The following SMYD3 variants were observed in gnomAD, a reference collection of about 807,000 sequenced individuals.
The protein encoded by SMYD3 is SET and MYND domain containing 3.
In SMYD3, 36 loss-of-function variants were observed where a neutral mutation model predicts 57.7. That is an observed-to-expected ratio of 0.62 (90% CI 0.48 to 0.82). SMYD3 has a LOEUF of 0.82. Ranked by LOEUF, SMYD3 falls within the 40% of genes least tolerant of loss-of-function variation. The pLI is 0.00. For synonymous variants in SMYD3, 211 were observed against 195.0 expected (o/e 1.08, Z -0.68); for missense variants, 515 against 538.8 (o/e 0.96, Z 0.44).
At chr1:245,805,219 G>C (rs979638009) in intron 10 of SMYD3, among the ~76,000 whole-genome samples, 1 of 151,828 alleles carries the variant, frequency 6.6e-6, no homozygotes, top group Admixed American at 6.6e-5. Context: ...ATGCAGAGAA[G>C]GGAAGAATCA....
chr1:246,013,620 A>G (rs192031271), intron 5 of SMYD3, among the ~76,000 whole-genome samples: 159 of 152,302 alleles, frequency 1.0e-3, no homozygotes, highest in African/African-American at 3.6e-3. Context: ...AATCTCGTCA[A>G]TGCAGCAGGG....
chr1:246,459,200 T>C (rs1313013368), intron 1 of SMYD3, among the ~76,000 whole-genome samples: 1 of 145,714 alleles, frequency 6.9e-6, no homozygotes, highest in Admixed American at 6.9e-5. Context: ...TCTCGCGAGA[T>C]CTTGTTATTT....
intron 10 of SMYD3, among the ~76,000 whole-genome samples, chr1:245,832,232 A>C (rs1211052532): frequency 6.6e-6 from 1 of 152,168 alleles, no homozygotes. Context: ...TTCTCAATAA[A>C]AGATGTCTGC....
chr1:246,230,861 A>C lies in SMYD3; in HGVS notation c.531+96340T>G, dbSNP rs138625393. 4.2e-4 allele frequency among the ~76,000 whole-genome samples: 64 copies of C among 152,352 alleles called. 1 individual carries two copies. In the East Asian group the frequency reaches 0.012, roughly 28 times the overall value. On this transcript the variant is annotated intron_variant, in intron 5 of 11. Coordinates refer to ENST00000490107, the MANE Select transcript of SMYD3 (RefSeq NM_001167740.2). ...TTTGATTTTAATTACTTAAGTAGTCAAATGTGGCTACTGGTTACCATATTT... is the reference window on the plus strand; with the variant it reads ...TTTGATTTTAATTACTTAAGTAGTCCAATGTGGCTACTGGTTACCATATTT...
chr1:246,209,492 T>C (rs1035521504), intron 5 of SMYD3, among the ~76,000 whole-genome samples: 1 of 151,892 alleles, frequency 6.6e-6, no homozygotes, highest in Non-Finnish European at 1.5e-5. Flanking sequence ...TAAGCAAAAA[T>C]CACTTAAGCT....
At chr1:246,487,482 A>G (rs1448497923) in intron 1 of SMYD3, among the ~76,000 whole-genome samples, 1 of 152,086 alleles carries the variant, frequency 6.6e-6, no homozygotes, top group Non-Finnish European at 1.5e-5. Flanking sequence ...GTTAAAATAC[A>G]AGGTGGTAAA....
intron 5 of SMYD3, among the ~76,000 whole-genome samples, chr1:246,282,548 CAA>C (rs34605656): frequency 6.8e-6 from 1 of 146,098 alleles, no homozygotes. Context: ...TTATTTGTTC[CAA>C]AAAAAAAAAG....
At chr1:245,858,421 G>T in intron 10 of SMYD3, 75 bp downstream of exon 10, 2 of 1,421,938 alleles carry the variant, frequency 1.4e-6, no homozygotes, top group South Asian at 2.9e-5. Context: ...TAATCAGAAT[G>T]ACTTCACAAC....
At chr1:245,764,313 T>C (rs1448472071) in intron 10 of SMYD3, among the ~76,000 whole-genome samples, 164 bp from the exon 11 acceptor site, 2 of 152,058 alleles carry the variant, frequency 1.3e-5, no homozygotes, top group African/African-American at 2.4e-5. Flanking sequence ...CTGAGGGGAA[T>C]TGACACAGGA....
At position 246,355,011 on chromosome 1, in the gene SMYD3, A is replaced by G; in HGVS notation, c.228+20T>C. 1 of 1,612,244 alleles carries G rather than the reference A, an allele frequency of 6.2e-7. No homozygotes were observed. The highest frequency in any genetic ancestry group is 8.5e-7 in the Non-Finnish European group (1 of 1,178,344). ...TAAAGAATTTGAAAGCTTCACTTATATATGGCTGAAAAGTCTTACCTGACA... is the reference window on the plus strand; with the variant it reads ...TAAAGAATTTGAAAGCTTCACTTATGTATGGCTGAAAAGTCTTACCTGACA... On this transcript the variant is annotated intron_variant, in intron 2 of 11. Coordinates refer to ENST00000490107, the MANE Select transcript of SMYD3 (RefSeq NM_001167740.2). The surrounding 1 kb of genome is among the most constrained non-coding windows in gnomAD (Gnocchi z 5.0).
chr1:246,430,125 G>C (rs894297603), intron 1 of SMYD3, among the ~76,000 whole-genome samples: 1 of 147,456 alleles, frequency 6.8e-6, no homozygotes. Context: ...TGACTGGCAA[G>C]TACTAAATAA....
intron 5 of SMYD3, among the ~76,000 whole-genome samples, chr1:246,184,866 T>A (rs1489352001): frequency 6.6e-6 from 1 of 152,126 alleles, no homozygotes; most frequent in Non-Finnish European, 1.5e-5. Context: ...AATTATAAAT[T>A]TCTGTTTTTT....
intron 11 of SMYD3, among the ~76,000 whole-genome samples, chr1:245,761,805 T>TG (rs1378794385): frequency 1.3e-5 from 2 of 150,200 alleles, no homozygotes; most frequent in Non-Finnish European, 3.0e-5. Flanking sequence ...TTTTTTTTTT[T>TG]GAGACAGTCT....
intron 5 of SMYD3, among the ~76,000 whole-genome samples, chr1:245,973,623 T>C: frequency 6.6e-6 from 1 of 152,234 alleles, no homozygotes; most frequent in East Asian, 1.9e-4. Flanking sequence ...AATCTTGCTT[T>C]ATTTTCTCAG....
chr1:246,359,824 G>C (rs1030392175), intron 1 of SMYD3, among the ~76,000 whole-genome samples: 3 of 152,118 alleles, frequency 2.0e-5, no homozygotes, highest in Non-Finnish European at 4.4e-5. Context: ...GGTAATGAAA[G>C]CTATCTAAGA....
intron 2 of SMYD3, among the ~76,000 whole-genome samples, chr1:246,348,669 G>A (rs567566668): frequency 1.3e-5 from 2 of 152,212 alleles, no homozygotes; most frequent in South Asian, 4.1e-4. Flanking sequence ...CTTTTTGGGT[G>A]ACAGGTTCAA....
chr1:245,774,732 G>A (rs886386941), intron 10 of SMYD3, among the ~76,000 whole-genome samples: 55 of 149,250 alleles, frequency 3.7e-4, no homozygotes, highest in African/African-American at 1.3e-3. Flanking sequence ...CTCTTTCCAC[G>A]GTCTCCCTCT....
At chr1:245,911,127 C>T (rs538300227) in intron 8 of SMYD3, among the ~76,000 whole-genome samples, 1 of 152,166 alleles carries the variant, frequency 6.6e-6, no homozygotes, top group East Asian at 1.9e-4. Flanking sequence ...TGTTCAATAA[C>T]ATTAATGGTC....
In SMYD3 at chr1:246,432,803, TAA is replaced by T. The variant is rs144278756; in HGVS notation, c.164+74249_164+74250del. On this transcript the variant is annotated intron_variant, in intron 1 of 11. Coordinates refer to ENST00000490107, the MANE Select transcript of SMYD3 (RefSeq NM_001167740.2). ...AAAACATTCCGAAAGCTTTTTTTAA[TAA>T]GTTTTCAGTGTTTGAATTATCATGA... is the stretch of plus-strand genomic sequence containing the variant. Among the ~76,000 whole-genome samples the T allele has an allele frequency of 1.1e-4, 17 of 152,342 alleles. No homozygotes were observed. The East Asian group carries it at 3.3e-3, about 29-fold the overall frequency.
Sources: allele counts gnomAD v4.1 joint callset (sites outside exome capture counted in the v4.1 genomes callset), GRCh38; gene constraint gnomAD v4.1.1; non-coding constraint Gnocchi (gnomAD v3.1); transcripts MANE v1.5; gene names NCBI Gene and HGNC (gene_info 2026-07-23, HGNC 2026-07-21).